TTLL13: variants seen among roughly 807,000 people sequenced by gnomAD.
The protein encoded by TTLL13 is tubulin polyglutamylase TTLL13.
chr15:90,262,167 C>T, the TTLL13 span: 1 of 1,535,138 alleles, frequency 6.5e-7, no homozygotes, highest in Non-Finnish European at 8.7e-7. Flanking sequence ...ACTGCTGCTT[C>T]CAAGGCCAGA....
At chr15:90,260,476 G>A in the TTLL13 span, among the ~76,000 whole-genome samples, 6 of 152,256 alleles carry the variant, frequency 3.9e-5, no homozygotes, top group African/African-American at 1.2e-4. Context: ...CAGCCTGGAC[G>A]ATAGAGTGAG....
chr15:90,256,545 T>TTTCTTTC, the TTLL13 span, among the ~76,000 whole-genome samples: 7 of 105,390 alleles, frequency 6.6e-5, no homozygotes, highest in African/African-American at 1.9e-4. Flanking sequence ...TCTCCTTCCT[T>TTTCTTTC]TTTCTTTCTT....
the TTLL13 span, among the ~76,000 whole-genome samples, chr15:90,256,640 T>G: frequency 2.3e-5 from 2 of 87,502 alleles, no homozygotes; most frequent in Admixed American, 2.7e-4. Flanking sequence ...CTTCCTTCCT[T>G]CTTTCTTTCT....
At chr15:90,253,739 A>G in the TTLL13 span, among the ~76,000 whole-genome samples, 4 of 152,204 alleles carry the variant, frequency 2.6e-5, no homozygotes, top group African/African-American at 9.6e-5. Context: ...AACTTAGTTT[A>G]GCATTCCACA....
the TTLL13 span, chr15:90,256,387 T>C: frequency 1.9e-6 from 3 of 1,541,080 alleles, no homozygotes; most frequent in Non-Finnish European, 2.7e-6. Flanking sequence ...AAGCTGGTCT[T>C]AGGCTTCTAC....
At chr15:90,263,035 A>C in the TTLL13 span, 1 of 1,536,134 alleles carries the variant, frequency 6.5e-7, no homozygotes, top group Non-Finnish European at 8.7e-7. Context: ...GGAGCGGATG[A>C]AGGCCCTGCT....
At chr15:90,257,957 G>C in the TTLL13 span, 1 of 1,353,702 alleles carries the variant, frequency 7.4e-7, no homozygotes, top group Non-Finnish European at 1.0e-6. Context: ...TGCAATTAGC[G>C]TTAGTGTGAG....
the TTLL13 span, chr15:90,263,992 T>C: frequency 6.5e-7 from 1 of 1,536,122 alleles, no homozygotes; most frequent in South Asian, 1.2e-5. Context: ...CATCAACTCC[T>C]GTTCATTGTC....
At chr15:90,255,775 C>A in the TTLL13 span, 1 of 1,614,144 alleles carries the variant, frequency 6.2e-7, no homozygotes, top group Non-Finnish European at 8.5e-7. Flanking sequence ...ACTTCCCTGG[C>A]ATGACAGAAA....
the TTLL13 span, chr15:90,265,264 G>A: frequency 7.9e-7 from 1 of 1,261,408 alleles, no homozygotes; most frequent in South Asian, 1.8e-5. Flanking sequence ...AACCCTAGGT[G>A]CGGCCCGGGG....
the TTLL13 span, among the ~76,000 whole-genome samples, chr15:90,256,560 T>TCTTTCTTTCTTTCTTTC: frequency 4.9e-5 from 2 of 40,404 alleles, no homozygotes; most frequent in African/African-American, 2.3e-4. Flanking sequence ...TTTCTTTCTT[T>TCTTTCTTTCTTTCTTTC]CTTTCTTTCT....
At chr15:90,256,545 T>TTTTCTTTCTTTCTTTCTTTCTTTCTTTC in the TTLL13 span, among the ~76,000 whole-genome samples, 3 of 105,392 alleles carry the variant, frequency 2.8e-5, no homozygotes, top group Admixed American at 1.1e-4. Flanking sequence ...TCTCCTTCCT[T>TTTTCTTTCTTTCTTTCTTTCTTTCTTTC]TTTCTTTCTT....
the TTLL13 span, chr15:90,255,858 T>C: frequency 6.2e-7 from 1 of 1,614,084 alleles, no homozygotes; most frequent in Non-Finnish European, 8.5e-7. Flanking sequence ...TACAACATCT[T>C]CCCCCGCACC....
the TTLL13 span, chr15:90,255,633 G>T: frequency 7.0e-7 from 1 of 1,435,778 alleles, no homozygotes; most frequent in Non-Finnish European, 9.7e-7. Context: ...TTGGTGCAGT[G>T]CTTACCTCCA....
the TTLL13 span, chr15:90,255,850 C>T: frequency 1.9e-6 from 3 of 1,614,042 alleles, no homozygotes; most frequent in Non-Finnish European, 2.5e-6. Context: ...CCTCTGAGTA[C>T]AACATCTTCC....
chr15:90,259,329 G>A, the TTLL13 span, among the ~76,000 whole-genome samples: 2 of 152,036 alleles, frequency 1.3e-5, no homozygotes, highest in Non-Finnish European at 2.9e-5. Context: ...GGTCAAGCCT[G>A]CAGTGAGCCA....
chr15:90,260,056 A>G, the TTLL13 span, among the ~76,000 whole-genome samples: 29 of 152,334 alleles, frequency 1.9e-4, no homozygotes, highest in African/African-American at 6.7e-4. Flanking sequence ...AGTGAAGTAG[A>G]ACTGTAATAT....
At chr15:90,262,963 T>TA in the TTLL13 span, 6 of 1,535,450 alleles carry the variant, frequency 3.9e-6, no homozygotes, top group Non-Finnish European at 4.4e-6. Flanking sequence ...ATGTACCTTG[T>TA]AGCTGCTGCC....
chr15:90,258,612 C>G, the TTLL13 span: 1 of 773,098 alleles, frequency 1.3e-6, no homozygotes, highest in Non-Finnish European at 2.1e-6. Flanking sequence ...GCCTTGGAAG[C>G]CAGAGCATCC....
Sources: allele counts gnomAD v4.1 joint callset (sites outside exome capture counted in the v4.1 genomes callset), GRCh38; gene constraint gnomAD v4.1.1; transcripts MANE v1.5; gene names NCBI Gene and HGNC (gene_info 2026-07-23, HGNC 2026-07-21).